LRRC19: variants seen among roughly 807,000 people sequenced by gnomAD.
LRRC19 encodes the protein leucine rich repeat containing 19.
A neutral mutation model predicts 33.3 loss-of-function variants in LRRC19; 33 were observed. The observed-to-expected ratio is 0.99, with a 90% CI of 0.75 to 1.33. The LOEUF is 1.33. LRRC19 is among the 40% of genes most tolerant of loss of function. The pLI is 0.00. For synonymous variants in LRRC19, 184 were observed against 152.3 expected (o/e 1.21, Z -1.53); for missense variants, 463 against 417.3 (o/e 1.11, Z -0.95).
chr9:27,001,969 G>A (rs765041114), intron 1 of LRRC19, among the ~76,000 whole-genome samples: 4 of 151,318 alleles, frequency 2.6e-5, no homozygotes, highest in Admixed American at 1.3e-4. Context: ...AAAGAAAAGA[G>A]GTTTAATTGA....
intron 1 of LRRC19, among the ~76,000 whole-genome samples, chr9:27,003,027 G>A (rs756221335): frequency 1.7e-4 from 26 of 151,910 alleles, no homozygotes; most frequent in East Asian, 3.8e-4. Flanking sequence ...TGATTCCAAG[G>A]TATTTTATAT....
Position 26,996,323 on chromosome 9 carries a change from T to G in LRRC19, c.772A>C (p.Thr258Pro), listed in dbSNP as rs779998604. The G allele has an allele frequency of 6.3e-7, 1 of 1,588,704 alleles. No individual in the cohort carries two copies. Among genetic ancestry groups the G allele is most frequent in the South Asian group, 1.1e-5 (1 of 87,884 alleles). Residue 258 changes from threonine (T) to proline (P), a missense_variant, in exon 4 of 5, where the codon ACA becomes CCA. Transcript: ENST00000380055. The stretch of plus-strand genomic sequence containing the variant: ...ACCAGTATATTACCTGAATTTCTTG[T>G]TAAGTTGTTCGAAGAGCTATTAAAT... The part of the protein sequence containing the change: ...SIFNSSSNNL[T>P]RNSEHEPLGK...
At chr9:26,999,586 T>C (rs759572468) in intron 2 of LRRC19, 28 bp downstream of exon 2, 2 of 1,481,484 alleles carry the variant, frequency 1.3e-6, no homozygotes, top group Admixed American at 3.8e-5. Flanking sequence ...TTGAAAATAT[T>C]TTTACTATTT....
chr9:26,996,208 CT>C, intron 4 of LRRC19, 102 bp downstream of exon 4: 1 of 762,764 alleles, frequency 1.3e-6, no homozygotes, highest in Non-Finnish European at 1.9e-6. Flanking sequence ...GATGAGGAAT[CT>C]TTCTTTTACA....
At position 26,998,336 on chromosome 9, in the gene LRRC19, G is replaced by A. The variant is rs1396881243; in HGVS notation, c.82-95C>T. ...TTAAGCACTTAGACATTAGAAGGAC[G>A]TTATTTTGGGAAAAAAACCTACTAT... On this transcript the variant is annotated intron_variant, in intron 2 of 4. Coordinates refer to ENST00000380055, the MANE Select transcript of LRRC19 (RefSeq NM_022901.3). The A allele has an allele frequency of 5.3e-5, 38 of 715,604 alleles. No homozygotes were observed. In the East Asian group the frequency reaches 8.2e-4, roughly 15 times the overall value. 44.3% of individuals were successfully genotyped at this position (715,604 alleles called of 1,614,324 possible). A position where few individuals can be genotyped will look rare whatever the true frequency, so the allele number is the denominator to read the frequency against.
chr9:27,001,665 C>T (rs931528308), intron 1 of LRRC19, among the ~76,000 whole-genome samples: 3 of 151,994 alleles, frequency 2.0e-5, no homozygotes, highest in African/African-American at 4.8e-5. Flanking sequence ...TGTTTTTTAT[C>T]GGTTTGTTTT....
chr9:26,995,827 A>G lies in LRRC19; in HGVS notation c.807T>C (p.Ser269=), dbSNP rs1828124692. ...RNSEHEPLGK[S]WAFLVGVVVT... ...CAACAACACCAACAAGAAAAGCCCA[A>G]CTTTTTCCAAGAGGTTCATGTTCTT... The change falls in exon 5 of 5, where the codon AGT becomes AGC. Residue 269 remains serine (S), a synonymous_variant. Transcript: ENST00000380055. 3.7e-6 allele frequency: 6 copies of G among 1,603,492 alleles called. No homozygotes were observed. Among genetic ancestry groups the G allele is most frequent in the Non-Finnish European group, 5.1e-6 (6 of 1,174,492 alleles).
Position 26,993,947 on chromosome 9 carries a change from A to G in LRRC19, c.*1574T>C, listed in dbSNP as rs1587307052. On this transcript the variant is annotated 3_prime_UTR_variant, in exon 5 of 5. Coordinates refer to ENST00000380055, the MANE Select transcript of LRRC19 (RefSeq NM_022901.3). ...TTCTCTGCATATGAAGGTAAAAATT[A>G]TAGATTGTGCTACAGTTTTTAATGT... The G allele has an allele frequency of 6.6e-6, 1 of 152,242 alleles. No individual in the cohort carries two copies. The highest frequency in any genetic ancestry group is 1.5e-5 in the Non-Finnish European group (1 of 68,034). 9.4% of individuals were successfully genotyped at this position (152,242 alleles called of 1,614,324 possible). A position where few individuals can be genotyped will look rare whatever the true frequency, so the allele number is the denominator to read the frequency against.
chr9:26,996,300 CAG>C lies in LRRC19; in HGVS notation c.784+9_784+10del, dbSNP rs1563959400. 6.7e-7 allele frequency: 1 copy of C among 1,498,336 alleles called. No individual in the cohort carries two copies. The highest frequency in any genetic ancestry group is 9.2e-7 in the Non-Finnish European group (1 of 1,092,022). The allele number at this position is 1,498,336 out of a possible 1,614,324, so 92.8% of individuals were successfully genotyped here. A position where few individuals can be genotyped will look rare whatever the true frequency, so the allele number is the denominator to read the frequency against. On this transcript the variant is annotated intron_variant, in intron 4 of 4. Coordinates refer to ENST00000380055, the MANE Select transcript of LRRC19 (RefSeq NM_022901.3). The stretch of plus-strand genomic sequence containing the variant: ...ATTCAGCAGTGTTAATATATAGAAC[CAG>C]TATATTACCTGAATTTCTTGTTAAG...
rs1342333492 is a variant in LRRC19 at position 26,995,430 on chromosome 9, A to G, written c.*91T>C. ...GTTGTCATTAATATGAATGCCTGCCAGCTGTATTTTGTTATGTCACATAGC... is the reference window on the plus strand; with the variant it reads ...GTTGTCATTAATATGAATGCCTGCCGGCTGTATTTTGTTATGTCACATAGC... On this transcript the variant is annotated 3_prime_UTR_variant, in exon 5 of 5. Coordinates refer to ENST00000380055, the MANE Select transcript of LRRC19 (RefSeq NM_022901.3). The G allele has an allele frequency of 5.7e-6, 4 of 700,838 alleles. No individual in the cohort carries two copies. The African/African-American group carries it at 7.2e-5, about 13-fold the overall frequency. 43.4% of individuals were successfully genotyped at this position (700,838 alleles called of 1,614,324 possible). A position where few individuals can be genotyped will look rare whatever the true frequency, so the allele number is the denominator to read the frequency against.
In LRRC19 at chr9:26,999,686, GAC is replaced by G; in HGVS notation, c.7_8del (p.Val3HisfsTer23). 1 of 1,606,168 alleles carries G rather than the reference GAC, an allele frequency of 6.2e-7. No homozygotes were observed. Among genetic ancestry groups the G allele is most frequent in the South Asian group, 1.1e-5 (1 of 89,430 alleles). Reference protein sequence around the residue: MKVTGITILFWPL... With the variant: MKXTGITILFWPL... Reference sequence around the variant, plus strand: ...GCCAAAAGAGGATTGTGATGCCTGTGACTTTCATGTTGCAGACCTGATAGAAA... The same window carrying G: ...GCCAAAAGAGGATTGTGATGCCTGTGTTTCATGTTGCAGACCTGATAGAAA... On this transcript the variant is annotated frameshift_variant, in exon 2 of 5. Coordinates refer to ENST00000380055, the MANE Select transcript of LRRC19 (RefSeq NM_022901.3). LOFTEE classifies it high-confidence loss of function.
rs1483585278 is a variant in LRRC19, at chr9:26,998,065, A to G, written c.258T>C (p.Thr86=). The part of the protein sequence containing the change: ...TELYLIENKV[T]ILHNNGFGNL... Reference sequence around the variant, plus strand: ...TACCAAAACCGTTATTATGTAAGATAGTAACCTTGTTCTCAATCAAATAGA... The same window carrying G: ...TACCAAAACCGTTATTATGTAAGATGGTAACCTTGTTCTCAATCAAATAGA... The change falls in exon 3 of 5, where the codon ACT becomes ACC. Residue 86 remains threonine, a synonymous_variant. Coordinates refer to ENST00000380055, the MANE Select transcript of LRRC19 (RefSeq NM_022901.3). 6.2e-7 allele frequency: 1 copy of G among 1,613,538 alleles called. No homozygotes were observed. Among genetic ancestry groups the G allele is most frequent in the South Asian group, 1.1e-5 (1 of 91,062 alleles).
intron 1 of LRRC19, 67 bp from the exon 2 acceptor site, chr9:26,999,770 CTTTTTT>C (rs1179000269): frequency 1.9e-3 from 632 of 339,454 alleles, no homozygotes; most frequent in Middle Eastern, 5.0e-3. Context: ...TCTGTTTATT[CTTTTTT>C]TTTTTTTTTT....
chr9:26,999,564 G>A, intron 2 of LRRC19, 50 bp downstream of exon 2: 1 of 1,370,122 alleles, frequency 7.3e-7, no homozygotes, highest in Non-Finnish European at 1.0e-6. Context: ...TAAATATACA[G>A]AAAATGTACC....
At chr9:27,005,127 T>C (rs1433090607) in intron 1 of LRRC19, among the ~76,000 whole-genome samples, 1 of 152,066 alleles carries the variant, frequency 6.6e-6, no homozygotes, top group Non-Finnish European at 1.5e-5. Flanking sequence ...AACTATTGTG[T>C]AGATTTTTTT....
At position 26,993,699 on chromosome 9, in the gene LRRC19, T is replaced by C. The variant is rs1225874877; in HGVS notation, c.*1822A>G. ...TAAACAATTTGAACATACACAGAAA[T>C]AGCATACTATACCATACACAACATA... is the stretch of plus-strand genomic sequence containing the variant. On this transcript the variant is annotated 3_prime_UTR_variant, in exon 5 of 5. Coordinates refer to ENST00000380055, the MANE Select transcript of LRRC19 (RefSeq NM_022901.3). The C allele has an allele frequency of 2.0e-5, 3 of 152,160 alleles. No individual in the cohort carries two copies. The highest frequency in any genetic ancestry group is 7.2e-5 in the African/African-American group (3 of 41,444). 9.4% of individuals were successfully genotyped at this position (152,160 alleles called of 1,614,324 possible). A position where few individuals can be genotyped will look rare whatever the true frequency, so the allele number is the denominator to read the frequency against.
intron 1 of LRRC19, among the ~76,000 whole-genome samples, chr9:27,003,487 T>A (rs1348411887): frequency 2.6e-5 from 4 of 151,884 alleles, no homozygotes; most frequent in Admixed American, 2.6e-4. Context: ...CATGCCACTG[T>A]GCTCCAGCCT....
chr9:26,999,556 A>G, intron 2 of LRRC19, 58 bp downstream of exon 2: 1 of 1,298,932 alleles, frequency 7.7e-7, no homozygotes, highest in South Asian at 1.3e-5. Context: ...TATTTTACTA[A>G]ATATACAGAA....
chr9:26,997,635 C>T, intron 3 of LRRC19, 93 bp downstream of exon 3: 2 of 1,369,866 alleles, frequency 1.5e-6, no homozygotes, highest in Non-Finnish European at 2.0e-6. Flanking sequence ...CGCCTGGCTG[C>T]TTCCTTTTCT....
Sources: allele counts gnomAD v4.1 joint callset (sites outside exome capture counted in the v4.1 genomes callset), GRCh38; gene constraint gnomAD v4.1.1; transcripts MANE v1.5; gene names NCBI Gene and HGNC (gene_info 2026-07-23, HGNC 2026-07-21).